Variants in PRIM2 observed in about 807,000 individuals in gnomAD.
The protein encoded by PRIM2 is DNA primase subunit 2, also known as DNA primase large subunit.
In PRIM2, 39 loss-of-function variants were observed where a neutral mutation model predicts 67.3. That is an observed-to-expected ratio of 0.58 (90% CI 0.45 to 0.76). The LOEUF is 0.76. Among genes scored for constraint, PRIM2 ranks in the 30% least tolerant of loss-of-function variants. PRIM2 has a pLI of 0.00. For missense variants in PRIM2, 398 were observed against 598.7 expected (o/e 0.66, Z 3.50); for synonymous variants, 143 against 198.7 (o/e 0.72, Z 2.36).
Position 57,382,115 on chromosome 6 carries a change from A to G in PRIM2, c.640A>G (p.Ile214Val). 6.2e-7 allele frequency: 1 copy of G among 1,613,378 alleles called. No homozygotes were observed. The highest frequency in any genetic ancestry group is 8.5e-7 in the Non-Finnish European group (1 of 1,179,530). The change falls in exon 7 of 14, where the codon ATT (isoleucine) becomes GTT (valine). Residue 214 changes from isoleucine (I) to valine (V), a missense_variant. Ile to Val is a conservative substitution (Grantham distance 29). Transcript: ENST00000615550. ...CTTTGCTTACGTACCACTTAAGGACATTGTGGCAATCATCCTGAATGAATT... is the reference window on the plus strand; with the variant it reads ...CTTTGCTTACGTACCACTTAAGGACGTTGTGGCAATCATCCTGAATGAATT... ...DGFAYVPLKD[I>V]VAIILNEFRA...
the PRIM2 span, among the ~76,000 whole-genome samples, chr6:57,243,524 A>T: frequency 1.9e-4 from 29 of 152,336 alleles, no homozygotes; most frequent in African/African-American, 6.7e-4. Context: ...GCTGGAGTGC[A>T]GTGGTGCGAT....
chr6:57,419,464 G>A (rs1181071110), intron 7 of PRIM2, among the ~76,000 whole-genome samples: 1 of 152,168 alleles, frequency 6.6e-6, no homozygotes, highest in East Asian at 1.9e-4. Context: ...TCTGTACTGT[G>A]TGGAGGAGGA....
At chr6:57,508,133 C>T (rs1554347385) in intron 8 of PRIM2, among the ~76,000 whole-genome samples, 36 of 152,134 alleles carry the variant, frequency 2.4e-4, no homozygotes, top group African/African-American at 7.5e-4. Context: ...GACAGGGTTT[C>T]GCCATATTGG....
chr6:57,287,993 A>G, the PRIM2 span, among the ~76,000 whole-genome samples: 1 of 152,158 alleles, frequency 6.6e-6, no homozygotes, highest in East Asian at 1.9e-4. Context: ...AGGAAGCACA[A>G]GAGGCCAGGG....
chr6:57,621,490 C>T (rs1280331753), intron 12 of PRIM2, among the ~76,000 whole-genome samples: 1 of 151,768 alleles, frequency 6.6e-6, no homozygotes, highest in Non-Finnish European at 1.5e-5. Context: ...ATTTTTTTCT[C>T]ATTATTTGCT....
intron 12 of PRIM2, among the ~76,000 whole-genome samples, chr6:57,615,229 G>T (rs1210421968): frequency 6.6e-6 from 1 of 151,792 alleles, no homozygotes; most frequent in Non-Finnish European, 1.5e-5. Context: ...ACCAGCCTGG[G>T]TAACTTGGCA....
intron 10 of PRIM2, among the ~76,000 whole-genome samples, chr6:57,546,228 C>T (rs1318933378): frequency 3.9e-5 from 6 of 152,186 alleles, no homozygotes; most frequent in Non-Finnish European, 8.8e-5. Context: ...TATAGGCCAA[C>T]ATTGATTTTT....
intron 7 of PRIM2, among the ~76,000 whole-genome samples, chr6:57,400,257 A>G (rs1581865084): frequency 3.9e-5 from 6 of 152,188 alleles, no homozygotes; most frequent in East Asian, 1.9e-4. Context: ...TCCTTTCTAT[A>G]TATAATGCTC....
At chr6:57,339,744 A>T (rs924483336) in intron 5 of PRIM2, among the ~76,000 whole-genome samples, 3 of 152,230 alleles carry the variant, frequency 2.0e-5, no homozygotes, top group African/African-American at 7.2e-5. Flanking sequence ...ACCTAAAACC[A>T]TAAAAACCCT....
chr6:57,346,433 C>T (rs1363960643), intron 5 of PRIM2, among the ~76,000 whole-genome samples: 1 of 152,062 alleles, frequency 6.6e-6, no homozygotes, highest in African/African-American at 2.4e-5. Context: ...GATTCTCCTG[C>T]CCCAGCCTCC....
intron 7 of PRIM2, among the ~76,000 whole-genome samples, chr6:57,498,207 A>G (rs1554346542): frequency 3.5e-4 from 53 of 152,236 alleles, no homozygotes; most frequent in Admixed American, 7.9e-4. Flanking sequence ...TTCCTGATCT[A>G]TAAATTGTTT....
the PRIM2 span, among the ~76,000 whole-genome samples, chr6:57,244,561 G>A: frequency 1.3e-5 from 2 of 152,080 alleles, no homozygotes; most frequent in Non-Finnish European, 2.9e-5. Flanking sequence ...GGGAGTTCGA[G>A]ACCAGTCTGA....
intron 8 of PRIM2, among the ~76,000 whole-genome samples, chr6:57,520,339 G>A (rs1393362189): frequency 2.6e-5 from 4 of 152,232 alleles, no homozygotes; most frequent in Admixed American, 2.6e-4. Context: ...TAATTTTGCT[G>A]GATGTTGGAA....
At chr6:57,261,013 C>G in the PRIM2 span, among the ~76,000 whole-genome samples, 26 of 152,290 alleles carry the variant, frequency 1.7e-4, no homozygotes, top group Admixed American at 1.3e-3. Context: ...AGGCACACAG[C>G]AGTGACAGAT....
At chr6:57,338,656 G>C (rs575532968) in intron 5 of PRIM2, among the ~76,000 whole-genome samples, 7,593 of 146,516 alleles carry the variant, frequency 0.052, 653 homozygotes, top group African/African-American at 0.18. Flanking sequence ...ATTCAACAAC[G>C]CTTCATGCTA....
intron 7 of PRIM2, among the ~76,000 whole-genome samples, chr6:57,436,520 A>G (rs1772019098): frequency 6.6e-6 from 1 of 152,210 alleles, no homozygotes; most frequent in African/African-American, 2.4e-5. Context: ...GGTAGTCCTG[A>G]ACACTGGGGA....
intron 5 of PRIM2, among the ~76,000 whole-genome samples, chr6:57,348,106 T>A (rs955422150): frequency 6.6e-6 from 1 of 152,060 alleles, no homozygotes; most frequent in African/African-American, 2.4e-5. Context: ...ATTGGTAGCT[T>A]TCTCGGTATA....
chr6:57,458,238 T>C (rs1288520215), intron 7 of PRIM2, among the ~76,000 whole-genome samples: 1 of 152,308 alleles, frequency 6.6e-6, no homozygotes, highest in East Asian at 1.9e-4. Flanking sequence ...ATTTGAAGCA[T>C]TGCAGAAAAA....
chr6:57,310,124 G>A (rs1767352831), upstream of PRIM2, among the ~76,000 whole-genome samples: 1 of 152,040 alleles, frequency 6.6e-6, no homozygotes, highest in Non-Finnish European at 1.5e-5. Context: ...CCATCAAAAA[G>A]TGGGCAAAGG....
Sources: gnomAD v4.1 joint callset for allele counts (sites outside exome capture counted in the v4.1 genomes callset) on GRCh38, gnomAD v4.1.1 for gene constraint, MANE v1.5 for transcripts, NCBI Gene and HGNC (gene_info 2026-07-23, HGNC 2026-07-21) for gene names.